Variants in ADAM11 observed in about 807,000 individuals in gnomAD.
The protein encoded by ADAM11 is disintegrin and metalloproteinase domain-containing protein 11.
A neutral mutation model predicts 119.1 loss-of-function variants in ADAM11; 49 were observed. The ratio of observed to expected loss-of-function variants is 0.41; its 90% CI spans 0.33 to 0.52. The LOEUF is 0.52. Among genes scored for constraint, ADAM11 ranks in the 20% least tolerant of loss-of-function variants. The pLI, the probability that ADAM11 is intolerant of heterozygous loss-of-function variation, is 0.20. For synonymous variants in ADAM11, 364 were observed against 408.0 expected (o/e 0.89, Z 1.30); for missense variants, 777 against 1,047.5 (o/e 0.74, Z 3.56).
chr17:44,766,431 G>A (rs774182523), intron 2 of ADAM11, among the ~76,000 whole-genome samples: 27 of 152,180 alleles, frequency 1.8e-4, no homozygotes, highest in Non-Finnish European at 3.8e-4. Flanking sequence ...TCTGCACCCC[G>A]CATCTGGTAC....
Position 44,769,262 on chromosome 17 carries a change from G to C in ADAM11, c.238-456G>C, listed in dbSNP as rs984139054. Among the ~76,000 whole-genome samples, 3 of 152,300 alleles carry C rather than the reference G, an allele frequency of 2.0e-5. No individual in the cohort carries two copies. In the South Asian group the frequency reaches 6.2e-4, roughly 32 times the overall value. On this transcript the variant is annotated intron_variant, in intron 2 of 26. Transcript: ENST00000200557. ...CCTATGTAGATGGAGGCTGGGGCCG[G>C]GGTAGGGGGACAGGCAGCGAGGGTC...
rs71136047 is a variant in ADAM11, at chr17:44,778,713, A to AAAAAAAAAAG, written c.2276+471_2276+472insAAAAAAAAAG. Among the ~76,000 whole-genome samples, 13 of 80,470 alleles carry AAAAAAAAAAG rather than the reference A, an allele frequency of 1.6e-4. 1 individual carries two copies. Among genetic ancestry groups the AAAAAAAAAAG allele is most frequent in the South Asian group, 4.1e-4 (1 of 2,442 alleles). 52.8% of individuals were successfully genotyped at this position (80,470 alleles called of 152,430 possible). On this transcript the variant is annotated intron_variant, in intron 25 of 26. Coordinates refer to ENST00000200557, the MANE Select transcript of ADAM11 (RefSeq NM_002390.6). ...CAAAAAAAAAAAAAAAAAAAAAAAA[A>AAAAAAAAAAG]GAAAGAAAGAGAGAAAGAAAAGAAA...
chr17:44,780,382 C>G lies in ADAM11; in HGVS notation c.*628C>G. On this transcript the variant is annotated 3_prime_UTR_variant, in exon 27 of 27. Coordinates refer to ENST00000200557, the MANE Select transcript of ADAM11 (RefSeq NM_002390.6). ...TCAGGGGCTGGGCATCCCAGCTTGC[C>G]CCCGCTTAGCCCCGCTGAGCTTGGA... is the stretch of plus-strand genomic sequence containing the variant. 5.9e-6 allele frequency: 2 copies of G among 338,990 alleles called. No individual in the cohort carries two copies. The highest frequency in any genetic ancestry group is 1.1e-5 in the Non-Finnish European group (2 of 176,218). The allele number at this position is 338,990 out of a possible 1,614,324, so 21.0% of individuals were successfully genotyped here. A position where few individuals can be genotyped will look rare whatever the true frequency, so the allele number is the denominator to read the frequency against.
In ADAM11 at chr17:44,773,196, G is replaced by T; in HGVS notation, c.826-65G>T. 1.3e-6 allele frequency: 2 copies of T among 1,589,852 alleles called. No individual in the cohort carries two copies. Among genetic ancestry groups the T allele is most frequent in the Non-Finnish European group, 1.7e-6 (2 of 1,162,964 alleles). On this transcript the variant is annotated intron_variant, in intron 10 of 26. Coordinates refer to ENST00000200557, the MANE Select transcript of ADAM11 (RefSeq NM_002390.6). The surrounding 1 kb of genome is among the most constrained non-coding windows in gnomAD (Gnocchi z 4.6). Reference sequence around the variant, plus strand: ...TCCCACTTCCTGGAGAGAACAGACAGGCCCTCCTCCAGCCCTGGCCCCAAC... The same window carrying T: ...TCCCACTTCCTGGAGAGAACAGACATGCCCTCCTCCAGCCCTGGCCCCAAC...
chr17:44,761,990 T>C (rs548609339), intron 2 of ADAM11, among the ~76,000 whole-genome samples: 1 of 152,192 alleles, frequency 6.6e-6, no homozygotes, highest in South Asian at 2.1e-4. Context: ...GCCTGGCTAA[T>C]TTTTTGTATT....
rs1039880755 is a variant in ADAM11 at position 44,760,890 on chromosome 17, G to C, written c.237+993G>C. ...AAGGGAGGGGAGCAGAGGGGGATGC[G>C]GGGTGGTGCAGGGGTGGAGAATACT... On this transcript the variant is annotated intron_variant, in intron 2 of 26. Coordinates refer to ENST00000200557, the MANE Select transcript of ADAM11 (RefSeq NM_002390.6). 2.6e-5 allele frequency among the ~76,000 whole-genome samples: 4 copies of C among 152,118 alleles called. No individual in the cohort carries two copies. In the East Asian group the frequency reaches 5.8e-4, roughly 22 times the overall value.
Position 44,776,340 on chromosome 17 carries a change from GT to G in ADAM11, c.1566+137del. 1.1e-6 allele frequency: 1 copy of G among 908,780 alleles called. No homozygotes were observed. 56.3% of individuals were successfully genotyped at this position (908,780 alleles called of 1,614,324 possible). On this transcript the variant is annotated intron_variant, in intron 18 of 26. Coordinates refer to ENST00000200557, the MANE Select transcript of ADAM11 (RefSeq NM_002390.6). The surrounding 1 kb of genome is among the most constrained non-coding windows in gnomAD (Gnocchi z 5.2). ...GGCATCGACCTCCACTGATCAGACT[GT>G]TTTCTTATCTGAGAAAGGGGTTCTT...
chr17:44,772,433 TC>T lies in ADAM11; in HGVS notation c.647del (p.Pro216GlnfsTer6). The T allele has an allele frequency of 6.3e-7, 1 of 1,577,616 alleles. No homozygotes were observed. Among genetic ancestry groups the T allele is most frequent in the Non-Finnish European group, 8.6e-7 (1 of 1,161,214 alleles). On this transcript the variant is annotated frameshift_variant, in exon 8 of 27. Transcript: ENST00000200557. LOFTEE classifies it high-confidence loss of function. The surrounding 1 kb of genome is among the most constrained non-coding windows in gnomAD (Gnocchi z 4.5). ...TTGCTGTGCCTGCCCAGTCGGCTCC[TC>T]CAAACCGGCCGAGGCTGAGAAGGAA... The part of the protein sequence containing the change: ...LFAVPAQSAP[P>X]NRPRLRRKRQ...
At chr17:44,779,270 A>G (rs1238576177) in intron 26 of ADAM11, 31 bp downstream of exon 26, 1 of 1,560,120 alleles carries the variant, frequency 6.4e-7, no homozygotes. Flanking sequence ...GGGCAGTGTG[A>G]TGCCGGCCAC....
chr17:44,763,274 T>A (rs1028472499), intron 2 of ADAM11, among the ~76,000 whole-genome samples: 45 of 152,212 alleles, frequency 3.0e-4, no homozygotes, highest in African/African-American at 1.0e-3. Context: ...GTTATTCCCA[T>A]CTCGCAGATG....
In ADAM11 at chr17:44,771,869, G is replaced by T. The variant is rs374985362; in HGVS notation, c.543+38G>T. 8.9e-6 allele frequency: 14 copies of T among 1,579,170 alleles called. No homozygotes were observed. The African/African-American group carries it at 1.9e-4, about 21-fold the overall frequency. On this transcript the variant is annotated intron_variant, in intron 6 of 26. Coordinates refer to ENST00000200557, the MANE Select transcript of ADAM11 (RefSeq NM_002390.6). ...CAACCCCTTGCCATCCTCTCTGGTG[G>T]CCCTGCCAAGCTTGTCCCAACAGCT...
Position 44,777,587 on chromosome 17 carries a change from G to A in ADAM11, c.1887G>A (p.Lys629=). Residue 629 remains lysine, a synonymous_variant, in exon 22 of 27, where the codon AAG becomes AAA. Transcript: ENST00000200557. This position sits in a 1 kb window ranked among gnomAD's most constrained non-coding sequence, Gnocchi z 5.1. Reference sequence around the variant, plus strand: ...GTGTCACCTTCTACCACCAGGGCAAGGAGCTGGACTGCAGGTGCTGGCCAG... The same window carrying A: ...GTGTCACCTTCTACCACCAGGGCAAAGAGCTGGACTGCAGGTGCTGGCCAG... ...ISSVTFYHQG[K]ELDCRGGHVQ... is the part of the protein sequence containing the mutation. 6.2e-7 allele frequency: 1 copy of A among 1,614,224 alleles called. No homozygotes were observed. Among genetic ancestry groups the A allele is most frequent in the Non-Finnish European group, 8.5e-7 (1 of 1,180,040 alleles).
At chr17:44,759,636 G>T in intron 1 of ADAM11, 86 bp from the exon 2 acceptor site, 1 of 1,306,868 alleles carries the variant, frequency 7.7e-7, no homozygotes, top group Non-Finnish European at 9.8e-7. Context: ...CCACACCAGA[G>T]TGGGGGATGA....
At position 44,771,309 on chromosome 17, in the gene ADAM11, A is replaced by AC. The variant is rs1320585820; in HGVS notation, c.382-275_382-274insC. ...CAAGACCCTGTCTCAAAAAAAAAAA[A>AC]AAAAAACCATTGCTACAGTCCAGCT... On this transcript the variant is annotated intron_variant, in intron 4 of 26. Transcript: ENST00000200557. 1.6e-4 allele frequency among the ~76,000 whole-genome samples: 25 copies of AC among 151,868 alleles called. No individual in the cohort carries two copies. The South Asian group carries it at 2.3e-3, about 14-fold the overall frequency.
In ADAM11 at chr17:44,777,455, G is replaced by T; in HGVS notation, c.1782-27G>T. The T allele has an allele frequency of 1.9e-6, 3 of 1,610,970 alleles. No homozygotes were observed. The highest frequency in any genetic ancestry group is 2.5e-6 in the Non-Finnish European group (3 of 1,177,262). ...AGTTGAGTCTGAGGTCAAACTTGGG[G>T]CTCACTGTCTCTATATGCCCCAACA... On this transcript the variant is annotated intron_variant, in intron 21 of 26. Transcript: ENST00000200557. The surrounding 1 kb of genome is among the most constrained non-coding windows in gnomAD (Gnocchi z 5.1).
In ADAM11 at chr17:44,777,789, T is replaced by C; in HGVS notation, c.1996T>C (p.Cys666Arg). The C allele has an allele frequency of 6.2e-7, 1 of 1,613,976 alleles. No individual in the cohort carries two copies. The highest frequency in any genetic ancestry group is 1.1e-5 in the South Asian group (1 of 91,086). ...GPNMLCLDHR[C>R]LPASAFNFST... The stretch of plus-strand genomic sequence containing the variant: ...TAACATGTTGTGCCTGGACCATCGC[T>C]GCCTGCCAGCTTCTGCCTTCAACTT... The change falls in exon 23 of 27, where the codon TGC (cysteine) becomes CGC (arginine). Residue 666 changes from cysteine to arginine, a missense_variant. Physicochemically the swap from Cys to Arg is radical, Grantham distance 180. Transcript: ENST00000200557. This position sits in a 1 kb window ranked among gnomAD's most constrained non-coding sequence, Gnocchi z 5.1.
rs1051464468 is a variant in ADAM11, at chr17:44,777,177, C to T, written c.1693C>T (p.Arg565Cys). The change falls in exon 21 of 27, where the codon CGC becomes TGC. Residue 565 changes from arginine to cysteine, a missense_variant. This residue lies in a region of ADAM11 where 348 missense variants were observed against 486.7 expected (regional missense o/e 0.72). Transcript: ENST00000200557. The surrounding 1 kb of genome is among the most constrained non-coding windows in gnomAD (Gnocchi z 5.1). ...QVLWGHAAAD[R>C]FCYEKLNVEG... ...TCCTCTCCCCACAGCGGCTGCTGAT[C>T]GCTTCTGCTACGAGAAGCTGAATGT... 1.9e-6 allele frequency: 3 copies of T among 1,603,126 alleles called. No homozygotes were observed. The highest frequency in any genetic ancestry group is 2.2e-5 in the East Asian group (1 of 44,728).
chr17:44,769,595 G>T, intron 2 of ADAM11, 123 bp from the exon 3 acceptor site: 1 of 689,604 alleles, frequency 1.5e-6, no homozygotes, highest in Non-Finnish European at 2.6e-6. Context: ...CCAAATCAAT[G>T]GTCCCCTCAG....
chr17:44,775,872 G>T lies in ADAM11; in HGVS notation c.1485+196G>T, dbSNP rs1280073975. The stretch of plus-strand genomic sequence containing the variant: ...GATGTTGAAGGCGGGGCTACGAGGA[G>T]CGGGAAGGGAAGGCTGCCCAGAATC... On this transcript the variant is annotated intron_variant, in intron 17 of 26. Coordinates refer to ENST00000200557, the MANE Select transcript of ADAM11 (RefSeq NM_002390.6). The surrounding 1 kb of genome is among the most constrained non-coding windows in gnomAD (Gnocchi z 7.5). 6.6e-6 allele frequency among the ~76,000 whole-genome samples: 1 copy of T among 152,012 alleles called. No individual in the cohort carries two copies. Among genetic ancestry groups the T allele is most frequent in the East Asian group, 1.9e-4 (1 of 5,172 alleles).
Sources: gnomAD v4.1 joint callset for allele counts (sites outside exome capture counted in the v4.1 genomes callset) on GRCh38, gnomAD v4.1.1 for gene constraint, gnomAD v4.1.1 regional missense constraint, Gnocchi (gnomAD v3.1) non-coding constraint, MANE v1.5 for transcripts, NCBI Gene and HGNC (gene_info 2026-07-23, HGNC 2026-07-21) for gene names.